The following PRLR variants were observed in gnomAD, a reference collection of about 807,000 sequenced individuals.
PRLR encodes the protein prolactin receptor.
Under a neutral mutation model 40.2 loss-of-function variants are expected in PRLR, and 13 were observed. That is an observed-to-expected ratio of 0.32 (90% CI 0.21 to 0.51). PRLR has a LOEUF of 0.51. Ranked by LOEUF, PRLR falls within the 20% of genes least tolerant of loss-of-function variation. The pLI is 0.97. For synonymous variants in PRLR, 269 were observed against 278.7 expected (o/e 0.97, Z 0.35); for missense variants, 656 against 747.3 (o/e 0.88, Z 1.42).
chr5:35,085,874 T>G (rs1453922483), intron 4 of PRLR, among the ~76,000 whole-genome samples: 1 of 152,216 alleles, frequency 6.6e-6, no homozygotes, highest in Non-Finnish European at 1.5e-5. Flanking sequence ...TTGACCCTTC[T>G]GCTGGTGACA....
chr5:35,063,764 G>A lies in PRLR; in HGVS notation c.*1325C>T, dbSNP rs906516295. The A allele has an allele frequency of 1.3e-5, 2 of 152,054 alleles. No individual in the cohort carries two copies. The highest frequency in any genetic ancestry group is 2.4e-5 in the African/African-American group (1 of 41,390). 9.4% of individuals were successfully genotyped at this position (152,054 alleles called of 1,614,324 possible). On this transcript the variant is annotated 3_prime_UTR_variant, in exon 10 of 10. Coordinates refer to ENST00000618457, the MANE Select transcript of PRLR (RefSeq NM_000949.7). ...CTCTTTTAAACAGCTGTTAGAAATC[G>A]TCGCCCTCCCTTTTTATGGTAGCTT...
intron 1 of PRLR, among the ~76,000 whole-genome samples, chr5:35,164,710 T>C (rs978352375): frequency 6.6e-6 from 1 of 152,082 alleles, no homozygotes; most frequent in Non-Finnish European, 1.5e-5. Context: ...GGCAACTGTG[T>C]GTACAATGAA....
chr5:35,068,963 A>T (rs951134114), intron 7 of PRLR, 85 bp from the exon 8 acceptor site: 36 of 988,150 alleles, frequency 3.6e-5, no homozygotes, highest in Non-Finnish European at 5.2e-5. Context: ...TCTTAAACCC[A>T]AGAGTGTTTT....
chr5:35,076,660 G>A (rs995700796), intron 5 of PRLR, among the ~76,000 whole-genome samples: 3 of 152,094 alleles, frequency 2.0e-5, no homozygotes, highest in Non-Finnish European at 4.4e-5. Context: ...ACCTAGAAAG[G>A]CAAGCCAACA....
At chr5:35,091,786 T>G (rs999860160) in intron 2 of PRLR, among the ~76,000 whole-genome samples, 7 of 152,196 alleles carry the variant, frequency 4.6e-5, no homozygotes, top group African/African-American at 1.7e-4. Flanking sequence ...CCAGCCTCAT[T>G]AGGTACATAT....
intron 5 of PRLR, among the ~76,000 whole-genome samples, chr5:35,079,686 A>T (rs1770370696): frequency 6.6e-6 from 1 of 152,232 alleles, no homozygotes; most frequent in African/African-American, 2.4e-5. Context: ...GAATTGGAAA[A>T]AACTAAAGTT....
intron 2 of PRLR, among the ~76,000 whole-genome samples, chr5:35,111,944 C>T (rs1018888116): frequency 7.9e-5 from 12 of 152,126 alleles, no homozygotes; most frequent in Non-Finnish European, 1.6e-4. Flanking sequence ...AAAATCCCAA[C>T]AAAAAATTTT....
intron 1 of PRLR, among the ~76,000 whole-genome samples, chr5:35,188,279 A>G (rs943442387): frequency 3.0e-5 from 4 of 135,126 alleles, no homozygotes; most frequent in African/African-American, 1.3e-4. Flanking sequence ...ATCATCACAT[A>G]AAAGATCAAC....
chr5:35,105,621 G>A (rs1227281048), intron 2 of PRLR, among the ~76,000 whole-genome samples: 2 of 152,142 alleles, frequency 1.3e-5, no homozygotes, highest in Non-Finnish European at 1.5e-5. Context: ...GTGGAAGAAA[G>A]GGTATCAGTG....
intron 5 of PRLR, among the ~76,000 whole-genome samples, chr5:35,072,991 C>T (rs1379068502): frequency 7.2e-5 from 11 of 152,098 alleles, no homozygotes; most frequent in Non-Finnish European, 1.0e-4. Context: ...CGCATGTTCT[C>T]GCTTTTCATC....
At position 35,150,137 on chromosome 5, in the gene PRLR, G is replaced by A. The variant is rs1236023068; in HGVS notation, c.-105-32015C>T. 2.6e-5 allele frequency among the ~76,000 whole-genome samples: 4 copies of A among 152,274 alleles called. No homozygotes were observed. The East Asian group carries it at 7.7e-4, about 29-fold the overall frequency. On this transcript the variant is annotated intron_variant, in intron 1 of 9. Coordinates refer to ENST00000618457, the MANE Select transcript of PRLR (RefSeq NM_000949.7). ...AACCTCAGGTGATACGCCCACCTTG[G>A]CCTCTCAAAGTGCTAGGATTACAGG...
At chr5:35,115,914 T>G (rs1772987677) in intron 2 of PRLR, among the ~76,000 whole-genome samples, 1 of 152,156 alleles carries the variant, frequency 6.6e-6, no homozygotes, top group East Asian at 1.9e-4. Flanking sequence ...TAATCCCCTC[T>G]TTTAAGGAGG....
In PRLR at chr5:35,065,125, G is replaced by A. The variant is rs142058010; in HGVS notation, c.1833C>T (p.Tyr611=). Residue 611 remains tyrosine, a synonymous_variant, in exon 10 of 10, where the codon TAC becomes TAT. Coordinates refer to ENST00000618457, the MANE Select transcript of PRLR (RefSeq NM_000949.7). ...AGTGTGTAAAACATGCGGGATCCAG[G>A]TAATCCAAACCACCCAGCTGGAGCC... is the stretch of plus-strand genomic sequence containing the variant. The part of the protein sequence containing the change: ...KCRLQLGGLD[Y]LDPACFTHSF... 298 of 1,613,862 alleles carry A rather than the reference G, an allele frequency of 1.8e-4. 3 individuals carry two copies. In the African/African-American group the frequency reaches 3.4e-3, roughly 18 times the overall value.
At position 35,059,298 on chromosome 5, in the gene PRLR, A is replaced by T. The variant is rs13169622; in HGVS notation, c.*5791T>A. The T allele has an allele frequency of 6.6e-6, 1 of 152,306 alleles. No individual in the cohort carries two copies. The highest frequency in any genetic ancestry group is 2.1e-4 in the South Asian group (1 of 4,818). 9.4% of individuals were successfully genotyped at this position (152,306 alleles called of 1,614,324 possible). A position where few individuals can be genotyped will look rare whatever the true frequency, so the allele number is the denominator to read the frequency against. ...TATCTGTGGTCTATTTATTGACCACACCTTATAAACAGGATAGGTTTTTCC... is the reference window on the plus strand; with the variant it reads ...TATCTGTGGTCTATTTATTGACCACTCCTTATAAACAGGATAGGTTTTTCC... On this transcript the variant is annotated 3_prime_UTR_variant, in exon 10 of 10. Coordinates refer to ENST00000618457, the MANE Select transcript of PRLR (RefSeq NM_000949.7).
intron 2 of PRLR, among the ~76,000 whole-genome samples, chr5:35,094,103 T>C (rs1469820386): frequency 6.6e-6 from 1 of 152,160 alleles, no homozygotes; most frequent in African/African-American, 2.4e-5. Context: ...AAAGAATATA[T>C]CTATGTTACC....
chr5:35,078,054 A>T (rs1002089035), intron 5 of PRLR, among the ~76,000 whole-genome samples: 4 of 152,204 alleles, frequency 2.6e-5, no homozygotes, highest in Non-Finnish European at 2.9e-5. Flanking sequence ...CATTTAAAGC[A>T]GTGTGTAGAG....
intron 8 of PRLR, chr5:35,049,449 T>A (rs1248794247): frequency 1.4e-6 from 1 of 700,508 alleles, no homozygotes; most frequent in Non-Finnish European, 2.6e-6. Flanking sequence ...GAATAACTTC[T>A]AGAGGGAAAG....
chr5:35,206,042 A>G (rs1776007586), intron 1 of PRLR, among the ~76,000 whole-genome samples: 2 of 152,230 alleles, frequency 1.3e-5, no homozygotes, highest in African/African-American at 4.8e-5. Context: ...CAATGTCAGA[A>G]AACTGTTTAT....
chr5:35,107,019 A>G (rs1024801674), intron 2 of PRLR, among the ~76,000 whole-genome samples: 3 of 152,214 alleles, frequency 2.0e-5, no homozygotes, highest in Non-Finnish European at 4.4e-5. Flanking sequence ...AAATTATAAC[A>G]AACTGTCTCT....
Sources: allele counts gnomAD v4.1 joint callset (sites outside exome capture counted in the v4.1 genomes callset), GRCh38; gene constraint gnomAD v4.1.1; transcripts MANE v1.5; gene names NCBI Gene and HGNC (gene_info 2026-07-23, HGNC 2026-07-21).